The following RNLS variants were observed in gnomAD, a reference collection of about 807,000 sequenced individuals.
RNLS encodes renalase.
RNLS carries 39 observed loss-of-function variants against 39.8 expected under a neutral mutation model. That is an observed-to-expected ratio of 0.98 (90% confidence interval 0.76 to 1.28). The LOEUF is 1.28. Among genes scored for constraint, RNLS ranks in the 50% most tolerant of loss-of-function variants. The pLI is 0.00. For missense variants in RNLS, 410 were observed against 413.3 expected, an observed-to-expected ratio of 0.99 and a Z score of 0.07; for synonymous variants, 147 against 150.7, an observed-to-expected ratio of 0.98 and a Z score of 0.18.
At chr10:88,214,164 TAAAAG>T in the RNLS span, among the ~76,000 whole-genome samples, 167 of 152,276 alleles carry the variant, frequency 1.1e-3, no homozygotes, top group Non-Finnish European at 1.5e-3. Flanking sequence ...CAGGTTCTGT[TAAAAG>T]AAGTAAGTTT....
chr10:88,182,405 A>G, the RNLS span, among the ~76,000 whole-genome samples: 3 of 152,164 alleles, frequency 2.0e-5, no homozygotes, highest in African/African-American at 7.2e-5. Context: ...TTCTTTCTGA[A>G]GCCACACACT....
chr10:88,443,473 C>G (rs867927276), intron 4 of RNLS, among the ~76,000 whole-genome samples: 5 of 152,176 alleles, frequency 3.3e-5, no homozygotes, highest in African/African-American at 1.2e-4. Flanking sequence ...GGGTGCAGGA[C>G]AGTGGGTGCA....
At chr10:88,227,705 A>C in the RNLS span, among the ~76,000 whole-genome samples, 2 of 152,236 alleles carry the variant, frequency 1.3e-5, no homozygotes, top group African/African-American at 4.8e-5. Context: ...TCAAATAATG[A>C]TAATTCTGCT....
intron 6 of RNLS, among the ~76,000 whole-genome samples, chr10:88,313,778 C>G (rs938539519): frequency 2.0e-5 from 3 of 152,100 alleles, no homozygotes; most frequent in Non-Finnish European, 4.4e-5. Context: ...TTCGTTGTCC[C>G]CTAAATGACT....
At chr10:88,208,944 C>A in the RNLS span, among the ~76,000 whole-genome samples, 1 of 152,024 alleles carries the variant, frequency 6.6e-6, no homozygotes. Context: ...TGTGGTGGGA[C>A]AAAAGAGTGG....
intron 3 of RNLS, among the ~76,000 whole-genome samples, chr10:88,574,060 G>A (rs774218410): frequency 6.6e-6 from 1 of 152,140 alleles, no homozygotes; most frequent in Admixed American, 6.5e-5. Flanking sequence ...AGAATCGCTT[G>A]AACTCGGGAG....
At chr10:88,388,474 CT>C (rs1322494212) in intron 4 of RNLS, among the ~76,000 whole-genome samples, 1 of 152,212 alleles carries the variant, frequency 6.6e-6, no homozygotes, top group Non-Finnish European at 1.5e-5. Flanking sequence ...TTGCCTCACT[CT>C]GCCTAGGACT....
the RNLS span, among the ~76,000 whole-genome samples, chr10:88,220,180 G>A: frequency 5.7e-4 from 87 of 152,342 alleles, no homozygotes; most frequent in Non-Finnish European, 1.0e-3. Context: ...GCTGGTGCCA[G>A]TAGTTCATAT....
intron 4 of RNLS, among the ~76,000 whole-genome samples, chr10:88,421,161 C>T (rs1589763089): frequency 6.6e-6 from 1 of 152,170 alleles, no homozygotes; most frequent in Non-Finnish European, 1.5e-5. Context: ...CCTTAACTCC[C>T]CCTTTCTGCC....
intron 4 of RNLS, among the ~76,000 whole-genome samples, chr10:88,450,710 C>A (rs1842313775): frequency 6.6e-6 from 1 of 152,178 alleles, no homozygotes; most frequent in Admixed American, 6.5e-5. Context: ...GAATCAATAA[C>A]ATGAAAAACT....
intron 6 of RNLS, among the ~76,000 whole-genome samples, chr10:88,307,648 A>G (rs1269626289): frequency 2.6e-5 from 4 of 152,226 alleles, no homozygotes; most frequent in Non-Finnish European, 4.4e-5. Context: ...TTCAAGGAGA[A>G]CTACAAAACA....
At chr10:88,322,097 A>C (rs575450907) in intron 5 of RNLS, among the ~76,000 whole-genome samples, 131 of 152,358 alleles carry the variant, frequency 8.6e-4, no homozygotes, top group African/African-American at 3.0e-3. Flanking sequence ...AAGATATTTC[A>C]TCGTGATCAA....
intron 4 of RNLS, among the ~76,000 whole-genome samples, chr10:88,434,382 G>GA (rs1202820135): frequency 1.3e-5 from 2 of 152,194 alleles, no homozygotes; most frequent in Admixed American, 1.3e-4. Flanking sequence ...TGAGAATTAG[G>GA]AAATTTGAGC....
rs111739185 is a variant in RNLS, at chr10:88,488,312, C to T, written c.526+84591G>A. On this transcript the variant is annotated intron_variant, in intron 4 of 6. Transcript: ENST00000331772. ...CTGTAATCCCAGCACTTTGGGAGGC[C>T]AAGGCAGGCAGATCACCTGAGGTTG... 2.6e-3 allele frequency among the ~76,000 whole-genome samples: 399 copies of T among 152,004 alleles called. 2 individuals are homozygous for T. Among genetic ancestry groups the T allele is most frequent in the African/African-American group, 9.0e-3 (372 of 41,460 alleles).
Position 88,575,043 on chromosome 10 carries a change from G to A in RNLS, c.368-1982C>T, listed in dbSNP as rs184572817. On this transcript the variant is annotated intron_variant, in intron 3 of 6. Coordinates refer to ENST00000331772, the MANE Select transcript of RNLS (RefSeq NM_001031709.3). ...TGAGTGTGTGTTTAAGGGGACTTAA[G>A]TTCACAGTCCTAGAAAATTCTTCAT... is the stretch of plus-strand genomic sequence containing the variant. Among the ~76,000 whole-genome samples the A allele has an allele frequency of 1.8e-3, 264 of 149,438 alleles. 1 individual carries two copies. Among genetic ancestry groups the A allele is most frequent in the African/African-American group, 5.8e-3 (234 of 40,556 alleles).
Position 88,573,052 on chromosome 10 carries a change from ACTTC to A in RNLS, c.373_376del (p.Glu125SerfsTer7). On this transcript the variant is annotated frameshift_variant, in exon 4 of 7. Transcript: ENST00000331772. LOFTEE classifies it high-confidence loss of function. Reference sequence around the variant, plus strand: ...CTGTGTCACACGATGTCTGAAGTAGACTTCTGCACCTGTTCCAAAAGCAAAATCA... The same window carrying A: ...CTGTGTCACACGATGTCTGAAGTAGATGCACCTGTTCCAAAAGCAAAATCA... 6.2e-7 allele frequency: 1 copy of A among 1,613,386 alleles called. No individual in the cohort carries two copies. Among genetic ancestry groups the A allele is most frequent in the South Asian group, 1.1e-5 (1 of 90,950 alleles).
intron 6 of RNLS, among the ~76,000 whole-genome samples, chr10:88,298,257 A>G (rs530775327): frequency 3.0e-4 from 45 of 152,130 alleles, no homozygotes; most frequent in African/African-American, 1.0e-3. Context: ...TATGTGACTC[A>G]TAAATATTTT....
the RNLS span, among the ~76,000 whole-genome samples, chr10:88,172,807 G>A: frequency 1.3e-4 from 17 of 128,366 alleles, no homozygotes; most frequent in Non-Finnish European, 6.5e-5. Flanking sequence ...TAATAGTTTG[G>A]GGTCTTACAT....
intron 5 of RNLS, among the ~76,000 whole-genome samples, chr10:88,320,053 AT>A (rs1846062656): frequency 6.6e-6 from 1 of 152,054 alleles, no homozygotes; most frequent in Admixed American, 6.5e-5. Context: ...AAAGGGATAA[AT>A]TACCCATAAA....
Sources: allele counts gnomAD v4.1 joint callset (sites outside exome capture counted in the v4.1 genomes callset), GRCh38; gene constraint gnomAD v4.1.1; transcripts MANE v1.5; gene names NCBI Gene and HGNC (gene_info 2026-07-23, HGNC 2026-07-21).